KSR1: variants seen among roughly 807,000 people sequenced by gnomAD.
KSR1 encodes the protein kinase suppressor of ras 1.
In KSR1, 35 loss-of-function variants were observed where a neutral mutation model predicts 92.9. That is an observed-to-expected ratio of 0.38 (90% CI 0.29 to 0.50). KSR1 has a LOEUF of 0.50. Ranked by LOEUF, KSR1 falls within the 20% of genes least tolerant of loss-of-function variation. The pLI, the probability that KSR1 is intolerant of heterozygous loss-of-function variation, is 0.94. For missense variants in KSR1, 972 were observed against 1,158.5 expected (o/e 0.84, Z 2.34); for synonymous variants, 467 against 472.6 (o/e 0.99, Z 0.15).
At chr17:27,473,616 A>C (rs986146337) in intron 1 of KSR1, among the ~76,000 whole-genome samples, 5 of 152,130 alleles carry the variant, frequency 3.3e-5, no homozygotes, top group African/African-American at 1.2e-4. Context: ...GAAGGGTTCT[A>C]GCTACAAAGG....
rs565234937 is a variant in KSR1, at chr17:27,511,085, T to C, written c.232-39483T>C. ...ACAGTCTAGAAGCTCTAAAAACACC[T>C]TTTCTGTCCACTTCCTCTGCTGTTT... On this transcript the variant is annotated intron_variant, in intron 1 of 20. Transcript: ENST00000644974. Among the ~76,000 whole-genome samples the C allele has an allele frequency of 2.0e-5, 3 of 152,328 alleles. No individual in the cohort carries two copies. In the East Asian group the frequency reaches 5.8e-4, roughly 29 times the overall value.
intron 1 of KSR1, among the ~76,000 whole-genome samples, chr17:27,500,818 G>C (rs968544007): frequency 5.3e-5 from 8 of 152,242 alleles, no homozygotes; most frequent in South Asian, 2.1e-4. Context: ...GGGGCAAAGG[G>C]TGCTGCTGGG....
At chr17:27,601,831 C>G (rs1428659229) in intron 11 of KSR1, 9 of 1,230,084 alleles carry the variant, frequency 7.3e-6, no homozygotes, top group Non-Finnish European at 1.0e-5. Flanking sequence ...AGTAGAAACC[C>G]ATTTGGGAAG....
chr17:27,572,098 C>T (rs2072332590), intron 2 of KSR1, among the ~76,000 whole-genome samples: 1 of 152,232 alleles, frequency 6.6e-6, no homozygotes, highest in African/African-American at 2.4e-5. Context: ...CAGTCTCCTG[C>T]TAATGACATG....
intron 1 of KSR1, among the ~76,000 whole-genome samples, chr17:27,489,019 T>TCCTTTCCAGA (rs2068746877): frequency 1.3e-5 from 2 of 152,218 alleles, no homozygotes; most frequent in East Asian, 3.8e-4. Context: ...GACCTGTCAG[T>TCCTTTCCAGA]CCTTTCCAGA....
At chr17:27,524,523 G>T (rs1039405232) in intron 1 of KSR1, among the ~76,000 whole-genome samples, 5 of 152,228 alleles carry the variant, frequency 3.3e-5, no homozygotes, top group African/African-American at 1.2e-4. Context: ...TCCCAAGGAG[G>T]GAGGTATTGA....
chr17:27,583,240 A>AGTC, intron 4 of KSR1, 135 bp downstream of exon 4: 1 of 641,638 alleles, frequency 1.6e-6, no homozygotes, highest in Non-Finnish European at 2.6e-6. Context: ...CCCATCTTTC[A>AGTC]GTCCATTCCT....
intron 10 of KSR1, among the ~76,000 whole-genome samples, chr17:27,598,552 A>G (rs531193533): frequency 4.6e-5 from 7 of 152,182 alleles, no homozygotes; most frequent in Admixed American, 2.0e-4. Flanking sequence ...TGTCCTGAGC[A>G]CACCCCTCCC....
At chr17:27,593,408 C>T (rs1215510667) in intron 9 of KSR1, among the ~76,000 whole-genome samples, 1 of 152,232 alleles carries the variant, frequency 6.6e-6, no homozygotes, top group Non-Finnish European at 1.5e-5. Context: ...GTGTGTTCTA[C>T]CTGCAGCCCC....
intron 2 of KSR1, chr17:27,566,676 A>G (rs1470190001): frequency 2.5e-6 from 1 of 397,458 alleles, no homozygotes; most frequent in Non-Finnish European, 4.4e-6. Flanking sequence ...GCTGTAGAAC[A>G]CGTGTGGAGA....
intron 2 of KSR1, among the ~76,000 whole-genome samples, chr17:27,573,961 A>G (rs1200701199): frequency 6.6e-6 from 1 of 152,220 alleles, no homozygotes; most frequent in East Asian, 1.9e-4. Context: ...AAAGAAAGAA[A>G]AAGAATCCCT....
intron 1 of KSR1, among the ~76,000 whole-genome samples, 184 bp downstream of exon 1, chr17:27,457,058 G>A (rs946478540): frequency 2.6e-5 from 4 of 152,144 alleles, no homozygotes; most frequent in African/African-American, 9.7e-5. Flanking sequence ...TCTTGGGCAG[G>A]ATTTGTGGGG....
In KSR1 at chr17:27,590,800, G is replaced by A. The variant is rs189414128; in HGVS notation, c.1047-11G>A. The A allele has an allele frequency of 3.0e-5, 48 of 1,606,172 alleles. No homozygotes were observed. The highest frequency in any genetic ancestry group is 1.2e-4 in the South Asian group (11 of 89,128). On this transcript the variant is annotated splice_polypyrimidine_tract_variant and intron_variant, in intron 6 of 20. Transcript: ENST00000644974. The stretch of plus-strand genomic sequence containing the variant: ...CTGGTGCAAACATGTGCCTGTGTCC[G>A]CCCTCTGCAGGTTCTCCACCAAGTC...
chr17:27,495,548 C>A (rs754025545), intron 1 of KSR1, among the ~76,000 whole-genome samples: 1 of 152,116 alleles, frequency 6.6e-6, no homozygotes, highest in Non-Finnish European at 1.5e-5. Context: ...TGGAGTTGGG[C>A]GACAGGAGGG....
chr17:27,486,287 G>A (rs112924479), intron 1 of KSR1, among the ~76,000 whole-genome samples: 5,162 of 152,248 alleles, frequency 0.034, 278 homozygotes, highest in African/African-American at 0.12. Context: ...GTTTGGCTCC[G>A]GGTACCCACC....
intron 2 of KSR1, chr17:27,566,583 G>A (rs1297417757): frequency 2.5e-6 from 1 of 398,998 alleles, no homozygotes; most frequent in African/African-American, 2.1e-5. Flanking sequence ...GGTAGGCACG[G>A]GGGTCTGGGC....
intron 11 of KSR1, chr17:27,602,006 T>A: frequency 7.5e-7 from 1 of 1,327,676 alleles, no homozygotes; most frequent in Non-Finnish European, 1.1e-6. Flanking sequence ...TTTCTACACT[T>A]ACTATGTACC....
In KSR1 at chr17:27,588,308, G is replaced by C. The variant is rs1271304167; in HGVS notation, c.986-167G>C. 8.2e-6 allele frequency: 4 copies of C among 489,586 alleles called. No homozygotes were observed. In the South Asian group the frequency reaches 1.6e-4, roughly 20 times the overall value. The allele number at this position is 489,586 out of a possible 1,614,324, so 30.3% of individuals were successfully genotyped here. ...CGAGGGGAACCACACCATGCCACTG[G>C]GCTAGCCTGGCCTGCTCCTGTGTTG... On this transcript the variant is annotated intron_variant, in intron 5 of 20. Coordinates refer to ENST00000644974, the MANE Select transcript of KSR1 (RefSeq NM_001394583.1).
intron 1 of KSR1, among the ~76,000 whole-genome samples, chr17:27,458,372 T>C (rs952168549): frequency 2.6e-5 from 4 of 152,170 alleles, no homozygotes; most frequent in African/African-American, 9.7e-5. Context: ...GTGTGCGTGG[T>C]TGGACTTCGG....
Sources: allele counts gnomAD v4.1 joint callset (sites outside exome capture counted in the v4.1 genomes callset), GRCh38; gene constraint gnomAD v4.1.1; transcripts MANE v1.5; gene names NCBI Gene and HGNC (gene_info 2026-07-23, HGNC 2026-07-21).